C1orf141: variants seen among roughly 807,000 people sequenced by gnomAD.
C1orf141 encodes uncharacterized protein C1orf141.
In C1orf141, 19 loss-of-function variants were observed where a neutral mutation model predicts 23.2. The ratio of observed to expected loss-of-function variants is 0.82; its 90% CI spans 0.57 to 1.20. The LOEUF is 1.20. C1orf141 is among the 50% of genes most tolerant of loss of function. The pLI, the probability that C1orf141 is intolerant of heterozygous loss-of-function variation, is 0.00. For synonymous variants in C1orf141, 153 were observed against 154.6 expected (o/e 0.99, Z 0.08); for missense variants, 469 against 455.1 (o/e 1.03, Z -0.28).
chr1:67,136,122 G>A (rs140633832), upstream of C1orf141, among the ~76,000 whole-genome samples: 1 of 152,002 alleles, frequency 6.6e-6, no homozygotes, highest in Non-Finnish European at 1.5e-5. Flanking sequence ...AGCCTCAATC[G>A]CCTGTGCTCA....
chr1:67,093,129 G>A lies in C1orf141; in HGVS notation c.1079C>T (p.Pro360Leu), dbSNP rs1645588084. The change falls in exon 8 of 8, where the codon CCC (proline) becomes CTC (leucine). Residue 360 changes from proline to leucine, a missense_variant. By Grantham distance (98) the Pro-to-Leu change is moderately conservative. Around this residue, in one of 3 missense-constraint regions of C1orf141, gnomAD observed 370 missense variants for 348.1 expected, o/e 1.06. Coordinates refer to ENST00000684719, the MANE Select transcript of C1orf141 (RefSeq NM_001276351.2). ...TTTGACAGGTAAGGCACTGGATGTGGGTATGCTCGTTGGTTTTCCTGCAGA... is the reference window on the plus strand; with the variant it reads ...TTTGACAGGTAAGGCACTGGATGTGAGTATGCTCGTTGGTTTTCCTGCAGA... ...MFSAGKPTSI[P>L]TSSALPVKCY... is the part of the protein sequence containing the mutation. The A allele has an allele frequency of 1.2e-6, 2 of 1,613,846 alleles. No individual in the cohort carries two copies. Among genetic ancestry groups the A allele is most frequent in the Admixed American group, 1.7e-5 (1 of 60,020 alleles).
chr1:67,101,166 A>T (rs767350167), intron 5 of C1orf141, among the ~76,000 whole-genome samples: 31 of 152,166 alleles, frequency 2.0e-4, no homozygotes, highest in Non-Finnish European at 3.7e-4. Context: ...CATTTCTAGA[A>T]AACTGTATTT....
Position 67,093,357 on chromosome 1 carries a change from A to T in C1orf141, c.851T>A (p.Met284Lys). 4.3e-6 allele frequency: 7 copies of T among 1,613,868 alleles called. No individual in the cohort carries two copies. Among genetic ancestry groups the T allele is most frequent in the Non-Finnish European group, 5.9e-6 (7 of 1,179,890 alleles). ...AGTTGTGTGGCCCGCTTTAAAAGAC[A>T]TAGGGATCTGTATATCTTTTCTCTG... ...TVQRKDIQIP[M>K]SFKAGHTTVD... Residue 284 changes from methionine to lysine, a missense_variant, in exon 8 of 8, where the codon ATG (methionine) becomes AAG (lysine). By Grantham distance (95) the Met-to-Lys change is moderately conservative. Around this residue, in one of 3 missense-constraint regions of C1orf141, gnomAD observed 370 missense variants for 348.1 expected, o/e 1.06. Coordinates refer to ENST00000684719, the MANE Select transcript of C1orf141 (RefSeq NM_001276351.2).
intron 4 of C1orf141, among the ~76,000 whole-genome samples, chr1:67,117,827 C>T (rs1646226080): frequency 6.6e-6 from 1 of 152,152 alleles, no homozygotes; most frequent in South Asian, 2.1e-4. Context: ...TATGAATTTC[C>T]TTGTGGTGAA....
chr1:67,093,393 A>T lies in C1orf141; in HGVS notation c.815T>A (p.Met272Lys), dbSNP rs1290926458. 1.9e-6 allele frequency: 3 copies of T among 1,613,090 alleles called. No individual in the cohort carries two copies. Among genetic ancestry groups the T allele is most frequent in the African/African-American group, 1.3e-5 (1 of 74,866 alleles). ...TATATCTTTTCTCTGTACTGTAGGC[A>T]TAGTTTTTTGGGGTTTGAAAAGAGA... ...SISLFKPQKT[M>K]PTVQRKDIQI... The change falls in exon 8 of 8, where the codon ATG becomes AAG. Residue 272 changes from methionine (M) to lysine (K), a missense_variant. Physicochemically the swap from Met to Lys is moderately conservative, Grantham distance 95 (BLOSUM62 -1). Coordinates refer to ENST00000684719, the MANE Select transcript of C1orf141 (RefSeq NM_001276351.2).
rs532534017 is a variant in C1orf141, at chr1:67,096,833, C to T, written c.347-512G>A. Among the ~76,000 whole-genome samples the T allele has an allele frequency of 2.6e-5, 4 of 152,270 alleles. No individual in the cohort carries two copies. In the South Asian group the frequency reaches 6.2e-4, roughly 24 times the overall value. ...ACCTTGTCCTCAAGTAGTTTATATT[C>T]TAGTGCAGTACTTCCCAGTCTTTCC... On this transcript the variant is annotated intron_variant, in intron 5 of 7. Transcript: ENST00000684719.
At chr1:67,136,769 A>G (rs1306003245), upstream of C1orf141, among the ~76,000 whole-genome samples, 3 of 152,214 alleles carry the variant, frequency 2.0e-5, no homozygotes, top group Non-Finnish European at 2.9e-5. Context: ...CAAAGAAACT[A>G]TGTGATTTGC....
chr1:67,097,095 G>A (rs531120588), intron 5 of C1orf141, among the ~76,000 whole-genome samples: 6 of 152,070 alleles, frequency 3.9e-5, no homozygotes, highest in Non-Finnish European at 7.4e-5. Flanking sequence ...ATGGTGGTGC[G>A]CCCCTGTAAT....
intron 3 of C1orf141, among the ~76,000 whole-genome samples, chr1:67,126,225 T>G (rs908628374): frequency 6.6e-6 from 1 of 152,174 alleles, no homozygotes; most frequent in Non-Finnish European, 1.5e-5. Flanking sequence ...TTTAGATACA[T>G]AGAGTTCTTG....
chr1:67,138,439 C>T (rs1157530273), upstream of C1orf141, among the ~76,000 whole-genome samples: 2 of 152,206 alleles, frequency 1.3e-5, no homozygotes, highest in African/African-American at 4.8e-5. Flanking sequence ...GAAACATTCC[C>T]TTCCCTTGGC....
rs149202387 is a variant in C1orf141, at chr1:67,132,896, T to A, written c.-103-1669A>T. On this transcript the variant is annotated intron_variant, in intron 1 of 7. Transcript: ENST00000684719. ...AGTAGTGACAGTTTTTTGTTGTTGT[T>A]TGTTCGTTTGTTTTTAAAGAACACA... 6.4e-3 allele frequency among the ~76,000 whole-genome samples: 968 copies of A among 152,350 alleles called. 15 individuals are homozygous for A. The highest frequency in any genetic ancestry group is 0.023 in the African/African-American group (939 of 41,562).
chr1:67,093,661 A>G, intron 7 of C1orf141, 57 bp from the exon 8 acceptor site: 4 of 1,347,344 alleles, frequency 3.0e-6, no homozygotes, highest in Non-Finnish European at 3.0e-6. Context: ...AGAAAGCTCC[A>G]TATATTTTAA....
intron 3 of C1orf141, among the ~76,000 whole-genome samples, chr1:67,126,960 C>T (rs924303093): frequency 7.2e-5 from 11 of 152,182 alleles, no homozygotes; most frequent in African/African-American, 2.7e-4. Flanking sequence ...AAAAGCCCTT[C>T]ATGGGATGAT....
Position 67,092,974 on chromosome 1 carries a change from G to GT in C1orf141, c.*30dup. 1 of 1,499,610 alleles carries GT rather than the reference G, an allele frequency of 6.7e-7. No homozygotes were observed. 92.9% of individuals were successfully genotyped at this position (1,499,610 alleles called of 1,614,324 possible). A position where few individuals can be genotyped will look rare whatever the true frequency, so the allele number is the denominator to read the frequency against. On this transcript the variant is annotated 3_prime_UTR_variant, in exon 8 of 8. Coordinates refer to ENST00000684719, the MANE Select transcript of C1orf141 (RefSeq NM_001276351.2). Reference sequence around the variant, plus strand: ...TTTGGAACTTGGATATTTGCTTCTTGTTACTCAAATATTGCTGCATACATA... The same window carrying GT: ...TTTGGAACTTGGATATTTGCTTCTTGTTTACTCAAATATTGCTGCATACATA...
intron 4 of C1orf141, among the ~76,000 whole-genome samples, chr1:67,120,372 C>T (rs1056054303): frequency 1.3e-5 from 2 of 152,102 alleles, no homozygotes; most frequent in East Asian, 1.9e-4. Context: ...AGAGTTGATG[C>T]TGAACCAGTT....
At chr1:67,117,425 A>G (rs988882440) in intron 4 of C1orf141, among the ~76,000 whole-genome samples, 66 of 152,224 alleles carry the variant, frequency 4.3e-4, no homozygotes, top group African/African-American at 1.6e-3. Context: ...TCTGTCTCGA[A>G]AGAAAAAAAA....
rs550305804 is a variant in C1orf141, at chr1:67,105,626, TACACACAGACAC to T, written c.347-9317_347-9306del. Among the ~76,000 whole-genome samples, 447 of 151,588 alleles carry T rather than the reference TACACACAGACAC, an allele frequency of 2.9e-3. 2 individuals carry two copies. In the East Asian group the frequency reaches 0.034, roughly 12 times the overall value. ...TCTAGACAAAATGCTCTAGACAAAATACACACAGACACACACACAGACACACACACAGACACA... is the reference window on the plus strand; with the variant it reads ...TCTAGACAAAATGCTCTAGACAAAATACACACAGACACACACACAGACACA... On this transcript the variant is annotated intron_variant, in intron 5 of 7. Transcript: ENST00000684719.
Position 67,096,302 on chromosome 1 carries a change from A to C in C1orf141, c.366T>G (p.Pro122=). ...SESTAQIEKK[P]RKPLDSVGLL... Reference sequence around the variant, plus strand: ...GACCAACAGAATCCAATGGTTTCCTAGGTTTTTTTTCAATTTGAGCTGAAA... The same window carrying C: ...GACCAACAGAATCCAATGGTTTCCTCGGTTTTTTTTCAATTTGAGCTGAAA... The change falls in exon 6 of 8, where the codon CCT becomes CCG. Residue 122 remains proline (P), a synonymous_variant. Coordinates refer to ENST00000684719, the MANE Select transcript of C1orf141 (RefSeq NM_001276351.2). The C allele has an allele frequency of 6.5e-7, 1 of 1,532,922 alleles. No individual in the cohort carries two copies. Among genetic ancestry groups the C allele is most frequent in the Non-Finnish European group, 8.9e-7 (1 of 1,127,748 alleles). The allele number at this position is 1,532,922 out of a possible 1,614,324, so 95.0% of individuals were successfully genotyped here. A position where few individuals can be genotyped will look rare whatever the true frequency, so the allele number is the denominator to read the frequency against.
At chr1:67,113,428 C>T (rs1360616700) in intron 5 of C1orf141, among the ~76,000 whole-genome samples, 3 of 151,858 alleles carry the variant, frequency 2.0e-5, no homozygotes, top group African/African-American at 7.3e-5. Context: ...TGCAATGGTG[C>T]AATCTCAGCT....
Sources: gnomAD v4.1 joint callset for allele counts (sites outside exome capture counted in the v4.1 genomes callset) on GRCh38, gnomAD v4.1.1 for gene constraint, gnomAD v4.1.1 regional missense constraint, MANE v1.5 for transcripts, NCBI Gene and HGNC (gene_info 2026-07-23, HGNC 2026-07-21) for gene names.